The following PDE4B variants were observed in gnomAD, a reference collection of about 807,000 sequenced individuals.
The protein encoded by PDE4B is phosphodiesterase 4B, also known as 3',5'-cyclic-AMP phosphodiesterase 4B.
Under a neutral mutation model 82.2 loss-of-function variants are expected in PDE4B, and 20 were observed. That is an observed-to-expected ratio of 0.24 (90% CI 0.17 to 0.35). The LOEUF is 0.35. Ranked by LOEUF, PDE4B falls within the 10% of genes least tolerant of loss-of-function variation. The probability of loss-of-function intolerance (pLI) is 1.00; values close to 1 mark genes in which losing one functional copy is unlikely to be tolerated. For synonymous variants in PDE4B, 320 were observed against 318.9 expected (o/e 1.00, Z -0.04); for missense variants, 655 against 907.2 (o/e 0.72, Z 3.57).
At chr1:66,297,350 T>C (rs1657584462) in intron 7 of PDE4B, among the ~76,000 whole-genome samples, 1 of 152,196 alleles carries the variant, frequency 6.6e-6, no homozygotes, top group Non-Finnish European at 1.5e-5. Context: ...AAGTAACTTA[T>C]TGTGCTACAA....
intron 3 of PDE4B, among the ~76,000 whole-genome samples, chr1:66,135,876 G>T (rs927566390): frequency 2.6e-5 from 4 of 152,102 alleles, no homozygotes; most frequent in South Asian, 2.1e-4. Flanking sequence ...TAAAGAATCT[G>T]CCCTCCCAAA....
intron 1 of PDE4B, among the ~76,000 whole-genome samples, chr1:65,812,488 T>C (rs1475389540): frequency 2.0e-5 from 3 of 152,308 alleles, no homozygotes; most frequent in South Asian, 4.1e-4. Context: ...CATAATCATG[T>C]AGGTTTTAAC....
At chr1:66,195,260 A>C (rs1289044095) in intron 3 of PDE4B, among the ~76,000 whole-genome samples, 1 of 152,112 alleles carries the variant, frequency 6.6e-6, no homozygotes. Flanking sequence ...AAAAATTTAT[A>C]ATTTTCCAGA....
chr1:66,329,863 G>A (rs1465460985), intron 7 of PDE4B, among the ~76,000 whole-genome samples: 2 of 152,146 alleles, frequency 1.3e-5, no homozygotes, highest in East Asian at 1.9e-4. Context: ...GCTACAGATG[G>A]ACCATTCAGC....
intron 3 of PDE4B, among the ~76,000 whole-genome samples, chr1:66,087,936 TG>T (rs1382633019): frequency 6.6e-6 from 1 of 151,114 alleles, no homozygotes; most frequent in Non-Finnish European, 1.5e-5. Context: ...AGTTAGTGGG[TG>T]CAGCACACCA....
At chr1:65,922,545 T>C (rs1473669846) in intron 3 of PDE4B, among the ~76,000 whole-genome samples, 1 of 152,162 alleles carries the variant, frequency 6.6e-6, no homozygotes, top group Non-Finnish European at 1.5e-5. Context: ...TTCCTAATAT[T>C]GAAACCTATA....
chr1:66,203,898 A>G (rs1189980490), intron 3 of PDE4B, among the ~76,000 whole-genome samples: 2 of 152,160 alleles, frequency 1.3e-5, no homozygotes, highest in African/African-American at 4.8e-5. Context: ...GAGGAACTGC[A>G]TTCCTTTGGA....
intron 9 of PDE4B, among the ~76,000 whole-genome samples, chr1:66,356,490 A>G (rs190981482): frequency 2.0e-5 from 3 of 152,344 alleles, no homozygotes; most frequent in Admixed American, 2.0e-4. Flanking sequence ...TTGACTTTAT[A>G]TTGCTACTGA....
At chr1:66,220,915 T>A in intron 3 of PDE4B, among the ~76,000 whole-genome samples, 1 of 152,292 alleles carries the variant, frequency 6.6e-6, no homozygotes, top group Non-Finnish European at 1.5e-5. Flanking sequence ...TCTAAAGTAG[T>A]AAACAGACAT....
At chr1:66,195,742 A>T (rs1264246758) in intron 3 of PDE4B, among the ~76,000 whole-genome samples, 1 of 152,158 alleles carries the variant, frequency 6.6e-6, no homozygotes, top group Non-Finnish European at 1.5e-5. Flanking sequence ...ACACCTTCTG[A>T]TCTCCTTCTT....
Position 65,832,309 on chromosome 1 carries a change from T to C in PDE4B, c.-71+39061T>C, listed in dbSNP as rs975534169. On this transcript the variant is annotated intron_variant, in intron 1 of 16. Coordinates refer to ENST00000341517, the MANE Select transcript of PDE4B (RefSeq NM_002600.4). The stretch of plus-strand genomic sequence containing the variant: ...GTTGAACAGCTGCTGTCTGTAAACT[T>C]GAATAAGGACTGAAATAACTTTTGG... 7.2e-5 allele frequency among the ~76,000 whole-genome samples: 11 copies of C among 152,212 alleles called. No homozygotes were observed. The South Asian group carries it at 1.2e-3, about 17-fold the overall frequency.
intron 3 of PDE4B, among the ~76,000 whole-genome samples, chr1:66,179,871 C>T (rs1281035319): frequency 6.6e-6 from 1 of 152,078 alleles, no homozygotes; most frequent in Non-Finnish European, 1.5e-5. Flanking sequence ...AGTTCGGAAT[C>T]CAATGCTTGT....
At chr1:66,361,814 T>G in intron 10 of PDE4B, 21 bp downstream of exon 10, 1 of 1,594,814 alleles carries the variant, frequency 6.3e-7, no homozygotes, top group Non-Finnish European at 8.6e-7. Flanking sequence ...GCTCAGGTTT[T>G]GTGCATGTAG....
chr1:66,257,649 A>G lies in PDE4B; in HGVS notation c.479A>G (p.His160Arg). The change falls in exon 5 of 17, where the codon CAC (histidine) becomes CGC (arginine). Residue 160 changes from histidine to arginine, a missense_variant and splice_region_variant. Around this residue, in one of 3 missense-constraint regions of PDE4B, gnomAD observed 253 missense variants for 275.6 expected, o/e 0.92. Coordinates refer to ENST00000341517, the MANE Select transcript of PDE4B (RefSeq NM_002600.4). ...SRNSSLPSEQ[H>R]GDDLIVTPFA... ...TTCTTTTTTTCTCTTTTCACCAGACACGGCGATGACTTGATTGTAACTCCT... is the reference window on the plus strand; with the variant it reads ...TTCTTTTTTTCTCTTTTCACCAGACGCGGCGATGACTTGATTGTAACTCCT... 6.2e-7 allele frequency: 1 copy of G among 1,613,548 alleles called. No individual in the cohort carries two copies.
chr1:66,073,919 G>A (rs985911955), intron 3 of PDE4B, among the ~76,000 whole-genome samples: 2 of 152,118 alleles, frequency 1.3e-5, no homozygotes, highest in Non-Finnish European at 1.5e-5. Flanking sequence ...ATAATAGTGT[G>A]GAAAGGAGTA....
chr1:66,213,043 C>G (rs1650188534), intron 3 of PDE4B, among the ~76,000 whole-genome samples: 1 of 152,144 alleles, frequency 6.6e-6, no homozygotes, highest in African/African-American at 2.4e-5. Flanking sequence ...GCCTTCTTTT[C>G]TTTTTCTTTT....
intron 1 of PDE4B, among the ~76,000 whole-genome samples, chr1:65,802,164 A>G (rs574030280): frequency 9.2e-5 from 14 of 152,256 alleles, no homozygotes; most frequent in Non-Finnish European, 1.9e-4. Context: ...ACAACCAGCA[A>G]GAAGTTTATT....
chr1:66,270,571 G>C (rs1570595753), intron 7 of PDE4B, among the ~76,000 whole-genome samples: 1 of 152,214 alleles, frequency 6.6e-6, no homozygotes, highest in African/African-American at 2.4e-5. Context: ...AGGGCTCTCT[G>C]AGAACCACAG....
intron 3 of PDE4B, among the ~76,000 whole-genome samples, chr1:65,959,107 G>A (rs542628284): frequency 2.0e-5 from 3 of 152,282 alleles, no homozygotes; most frequent in African/African-American, 2.4e-5. Context: ...TAAATATACA[G>A]CACATCTCTT....
Sources: allele counts gnomAD v4.1 joint callset (sites outside exome capture counted in the v4.1 genomes callset), GRCh38; gene constraint gnomAD v4.1.1; regional missense constraint gnomAD v4.1.1; transcripts MANE v1.5; gene names NCBI Gene and HGNC (gene_info 2026-07-23, HGNC 2026-07-21).